The following CSMD1 variants were observed in gnomAD, a reference collection of about 807,000 sequenced individuals.
CSMD1 encodes the protein CUB and sushi domain-containing protein 1.
CSMD1 carries 213 observed loss-of-function variants against 417.5 expected under a neutral mutation model. The ratio of observed to expected loss-of-function variants is 0.51; its 90% confidence interval spans 0.46 to 0.57. The LOEUF (loss-of-function observed/expected upper bound fraction) is 0.57, where lower values mean the gene tolerates loss of function less well. Ranked by LOEUF, CSMD1 falls within the 20% of genes least tolerant of loss-of-function variation. The pLI is 0.00. For synonymous variants in CSMD1, 2,862 were observed against 1,736.8 expected, an observed-to-expected ratio of 1.65 and a Z score of -16.11; for missense variants, 6,923 against 4,529.7, an observed-to-expected ratio of 1.53 and a Z score of -15.17.
intron 7 of CSMD1, among the ~76,000 whole-genome samples, chr8:3,687,072 A>G (rs1799978838): frequency 6.6e-6 from 1 of 152,222 alleles, no homozygotes; most frequent in Non-Finnish European, 1.5e-5. Context: ...AGTATTGGAT[A>G]TCAAATACCA....
In CSMD1 at chr8:2,974,606, G is replaced by A; in HGVS notation, c.8585C>T (p.Pro2862Leu). 1.2e-6 allele frequency: 2 copies of A among 1,607,764 alleles called. No individual in the cohort carries two copies. Among genetic ancestry groups the A allele is most frequent in the Non-Finnish European group, 1.7e-6 (2 of 1,176,942 alleles). ...GAGGACGGCGTTGGCAGGGACCCCTGGGTGTCCACACGATATAGCTTCAGA... is the reference window on the plus strand; with the variant it reads ...GAGGACGGCGTTGGCAGGGACCCCTAGGTGTCCACACGATATAGCTTCAGA... ...PKCLAISCGHPGVPANAVLTG... is the reference protein window; with the variant it reads ...PKCLAISCGHLGVPANAVLTG... Residue 2862 changes from proline to leucine, a missense_variant, in exon 56 of 70, where the codon CCA becomes CTA. Transcript: ENST00000635120.
At chr8:4,952,450 A>G (rs1199915960) in intron 1 of CSMD1, among the ~76,000 whole-genome samples, 1 of 152,068 alleles carries the variant, frequency 6.6e-6, no homozygotes, top group East Asian at 1.9e-4. Flanking sequence ...ACTGGATTTC[A>G]ATTACCTATG....
chr8:3,218,614 A>G (rs1361525249), intron 29 of CSMD1, among the ~76,000 whole-genome samples: 5 of 150,912 alleles, frequency 3.3e-5, no homozygotes, highest in Non-Finnish European at 5.9e-5. Flanking sequence ...ACTCACGTCT[A>G]TAATCACAGC....
chr8:4,330,590 A>C (rs1192702941), intron 3 of CSMD1, among the ~76,000 whole-genome samples: 3 of 30,616 alleles, frequency 9.8e-5, no homozygotes, highest in East Asian at 5.9e-3. Context: ...ACCCTGTCTC[A>C]AAAAAAAAAA....
rs970265873 is a variant in CSMD1 at position 4,917,299 on chromosome 8, T to C, written c.85+77033A>G. On this transcript the variant is annotated intron_variant, in intron 1 of 69. Coordinates refer to ENST00000635120, the MANE Select transcript of CSMD1 (RefSeq NM_033225.6). ...AAACCACCCCCACGATCCAATCACCTCCAATCAGGCCCCACCTTCAACACT... is the reference window on the plus strand; with the variant it reads ...AAACCACCCCCACGATCCAATCACCCCCAATCAGGCCCCACCTTCAACACT... Among the ~76,000 whole-genome samples the C allele has an allele frequency of 1.3e-4, 20 of 152,218 alleles. No homozygotes were observed. In the East Asian group the frequency reaches 3.5e-3, roughly 27 times the overall value.
At chr8:3,885,578 G>C (rs1236522626) in intron 5 of CSMD1, among the ~76,000 whole-genome samples, 3 of 152,294 alleles carry the variant, frequency 2.0e-5, no homozygotes, top group Non-Finnish European at 2.9e-5. Flanking sequence ...AAATTAGGCA[G>C]TCATCATCCA....
At chr8:2,972,273 A>T (rs1804525088) in intron 57 of CSMD1, among the ~76,000 whole-genome samples, 1 of 152,190 alleles carries the variant, frequency 6.6e-6, no homozygotes, top group Non-Finnish European at 1.5e-5. Context: ...TAAATTTCTC[A>T]CATTGATAGT....
chr8:4,331,404 G>C (rs890532997), intron 3 of CSMD1, among the ~76,000 whole-genome samples: 2 of 152,168 alleles, frequency 1.3e-5, no homozygotes, highest in African/African-American at 4.8e-5. Flanking sequence ...GTTTTTCATG[G>C]TTAGTTGTCT....
At chr8:2,996,183 AAGAG>A (rs145959701) in intron 54 of CSMD1, among the ~76,000 whole-genome samples, 2 of 152,084 alleles carry the variant, frequency 1.3e-5, no homozygotes, top group African/African-American at 4.8e-5. Context: ...AATGGGAAAA[AAGAG>A]AGAGAATTGA....
intron 48 of CSMD1, 62 bp downstream of exon 48, chr8:3,091,454 A>G: frequency 7.9e-7 from 1 of 1,265,556 alleles, no homozygotes. Context: ...AAATTGTTTT[A>G]TTCAATGAAA....
At chr8:3,527,154 T>A (rs1409807464) in intron 10 of CSMD1, among the ~76,000 whole-genome samples, 1 of 152,146 alleles carries the variant, frequency 6.6e-6, no homozygotes, top group Admixed American at 6.5e-5. Flanking sequence ...TCTCTCCACG[T>A]TTTTATAACA....
chr8:3,706,039 C>T (rs529464974), intron 7 of CSMD1, among the ~76,000 whole-genome samples: 16 of 152,352 alleles, frequency 1.1e-4, no homozygotes, highest in African/African-American at 3.4e-4. Flanking sequence ...AAACGGGGCT[C>T]ATGGTGGGAA....
At chr8:3,095,538 T>G (rs905580630) in intron 47 of CSMD1, among the ~76,000 whole-genome samples, 3 of 152,214 alleles carry the variant, frequency 2.0e-5, no homozygotes, top group Non-Finnish European at 4.4e-5. Context: ...TCCAATTTAT[T>G]AATTCATTTT....
chr8:4,290,070 G>A (rs541552554), intron 3 of CSMD1, among the ~76,000 whole-genome samples: 14 of 152,218 alleles, frequency 9.2e-5, no homozygotes, highest in South Asian at 2.1e-4. Context: ...AATTCAGCAC[G>A]GTCTTTTTTA....
At chr8:4,835,543 G>A (rs893482721) in intron 1 of CSMD1, among the ~76,000 whole-genome samples, 2 of 152,170 alleles carry the variant, frequency 1.3e-5, no homozygotes, top group African/African-American at 2.4e-5. Context: ...AGCAACCTGA[G>A]GGTGGTTAAG....
At position 4,620,687 on chromosome 8, in the gene CSMD1, A is replaced by AATAT. The variant is rs1801728515; in HGVS notation, c.302+16654_302+16655insATAT. Among the ~76,000 whole-genome samples, 3 of 151,926 alleles carry AATAT rather than the reference A, an allele frequency of 2.0e-5. No homozygotes were observed. In the South Asian group the frequency reaches 6.2e-4, roughly 31 times the overall value. On this transcript the variant is annotated intron_variant, in intron 2 of 69. Transcript: ENST00000635120. The stretch of plus-strand genomic sequence containing the variant: ...AGGACGAAGATAAAATCATAAGAGA[A>AATAT]GTTAGAAAATATTTTAAACTAAATT...
chr8:3,236,991 C>T (rs556442574), intron 26 of CSMD1, among the ~76,000 whole-genome samples: 2 of 152,150 alleles, frequency 1.3e-5, no homozygotes, highest in South Asian at 2.1e-4. Flanking sequence ...TGTCAGGCTG[C>T]ATCCAGAGCC....
chr8:3,213,740 A>C (rs547797701), intron 30 of CSMD1, among the ~76,000 whole-genome samples: 1 of 150,676 alleles, frequency 6.6e-6, no homozygotes, highest in South Asian at 2.1e-4. Flanking sequence ...TATATATGTA[A>C]AAATATATGT....
chr8:4,824,504 G>A (rs1344575501), intron 1 of CSMD1, among the ~76,000 whole-genome samples: 1 of 152,082 alleles, frequency 6.6e-6, no homozygotes, highest in African/African-American at 2.4e-5. Context: ...AAACAGAGTA[G>A]TCCCAATTAA....
Sources: gnomAD v4.1 joint callset for allele counts (sites outside exome capture counted in the v4.1 genomes callset) on GRCh38, gnomAD v4.1.1 for gene constraint, MANE v1.5 for transcripts, NCBI Gene and HGNC (gene_info 2026-07-23, HGNC 2026-07-21) for gene names.